Variants in ZFHX3 observed in about 807,000 individuals in gnomAD.
ZFHX3 encodes the protein zinc finger homeobox protein 3.
Under a neutral mutation model 279.1 loss-of-function variants are expected in ZFHX3, and 42 were observed. That is an observed-to-expected ratio of 0.15 (90% CI 0.12 to 0.19). The LOEUF (loss-of-function observed/expected upper bound fraction) is 0.19, where lower values mean the gene tolerates loss of function less well. ZFHX3 is among the 10% of genes least tolerant of loss of function. The probability of loss-of-function intolerance (pLI) is 1.00; values close to 1 mark genes in which losing one functional copy is unlikely to be tolerated. For missense variants in ZFHX3, 4,981 were observed against 4,754.0 expected, an observed-to-expected ratio of 1.05 and a Z score of -1.40; for synonymous variants, 2,293 against 1,957.8, an observed-to-expected ratio of 1.17 and a Z score of -4.52.
At chr16:73,412,902 T>C (rs940732228) in intron 3 of ZFHX3, among the ~76,000 whole-genome samples, 2 of 152,230 alleles carry the variant, frequency 1.3e-5, no homozygotes, top group Admixed American at 6.5e-5. Flanking sequence ...CTCTCTGTGC[T>C]ACGCTGTTGA....
chr16:73,379,003 T>C (rs2016773945), intron 3 of ZFHX3, among the ~76,000 whole-genome samples: 2 of 152,182 alleles, frequency 1.3e-5, no homozygotes. Context: ...GAGGTTCTTT[T>C]ATGCTAGTGT....
chr16:72,841,013 A>G (rs1187997376), intron 4 of ZFHX3, among the ~76,000 whole-genome samples: 2 of 152,220 alleles, frequency 1.3e-5, no homozygotes, highest in Non-Finnish European at 2.9e-5. Flanking sequence ...ACGTATTTAC[A>G]GGTTGCACAT....
intron 2 of ZFHX3, among the ~76,000 whole-genome samples, chr16:73,677,549 G>C (rs957683184): frequency 1.3e-5 from 2 of 151,930 alleles, no homozygotes; most frequent in Non-Finnish European, 1.5e-5. Context: ...CTTTGGCATA[G>C]CTAATCACAA....
Position 72,796,448 on chromosome 16 carries a change from C to A in ZFHX3, c.6234G>T (p.Pro2078=). The A allele has an allele frequency of 6.3e-7, 1 of 1,589,820 alleles. No homozygotes were observed. Residue 2078 remains proline, a synonymous_variant, in exon 9 of 10, where the codon CCG becomes CCT. Transcript: ENST00000268489. ...APPITSPTIA[P]AQPSVPLTQL... is the part of the protein sequence containing the mutation. ...GGGTGAGCGGCACTGATGGCTGGGC[C>A]GGTGCAATTGTAGGTGAGGTGATGG...
intron 4 of ZFHX3, among the ~76,000 whole-genome samples, chr16:72,875,985 A>G (rs149480229): frequency 1.7e-3 from 258 of 152,228 alleles, no homozygotes; most frequent in African/African-American, 6.0e-3. Context: ...AAATGAGCTT[A>G]TTTTTCTGTC....
chr16:73,778,106 C>T (rs942435096), intron 1 of ZFHX3, among the ~76,000 whole-genome samples: 8 of 151,846 alleles, frequency 5.3e-5, no homozygotes, highest in African/African-American at 1.9e-4. Flanking sequence ...AGCTCACTCC[C>T]ATGAAATAGA....
chr16:73,867,954 G>A (rs1250775176), intron 1 of ZFHX3, among the ~76,000 whole-genome samples: 1 of 152,116 alleles, frequency 6.6e-6, no homozygotes, highest in African/African-American at 2.4e-5. Flanking sequence ...CAGCAATGAG[G>A]GCCGGCCAAC....
chr16:73,056,223 A>G (rs1965553525), intron 1 of ZFHX3, among the ~76,000 whole-genome samples: 1 of 152,138 alleles, frequency 6.6e-6, no homozygotes, highest in Non-Finnish European at 1.5e-5. Flanking sequence ...AATCATCTCC[A>G]AATATGGATT....
intron 2 of ZFHX3, among the ~76,000 whole-genome samples, chr16:73,622,680 T>C (rs1463525737): frequency 6.6e-6 from 1 of 152,224 alleles, no homozygotes; most frequent in African/African-American, 2.4e-5. Context: ...GTCCCTCTCT[T>C]CTGAGATTTC....
chr16:72,970,117 A>G (rs1354685640), intron 1 of ZFHX3, among the ~76,000 whole-genome samples: 1 of 152,256 alleles, frequency 6.6e-6, no homozygotes, highest in African/African-American at 2.4e-5. Flanking sequence ...TATTCTGGTT[A>G]CAGTGGAGTC....
intron 3 of ZFHX3, among the ~76,000 whole-genome samples, chr16:73,394,926 T>A (rs2017097024): frequency 6.6e-6 from 1 of 152,166 alleles, no homozygotes; most frequent in South Asian, 2.1e-4. Context: ...GATTGAAAGT[T>A]CACATTAGTA....
rs558374274 is a variant in ZFHX3, at chr16:73,096,439, G to A, written c.-896-2841C>T. On this transcript the variant is annotated intron_variant, in intron 7 of 17. Transcript: ENST00000641206. ...TTTTTTTGAGACAGAGTCTCACTCTGTCACCCAGGGTGGAGTGCAGTGATG... is the reference window on the plus strand; with the variant it reads ...TTTTTTTGAGACAGAGTCTCACTCTATCACCCAGGGTGGAGTGCAGTGATG... Among the ~76,000 whole-genome samples the A allele has an allele frequency of 1.0e-3, 154 of 151,582 alleles. 1 individual carries two copies. The highest frequency in any genetic ancestry group is 3.4e-3 in the African/African-American group (142 of 41,268).
intron 4 of ZFHX3, among the ~76,000 whole-genome samples, chr16:73,305,633 G>T (rs1460465312): frequency 2.6e-5 from 4 of 151,830 alleles, no homozygotes; most frequent in Non-Finnish European, 5.9e-5. Flanking sequence ...CCAATCAGCA[G>T]ACCTGAAGCC....
intron 3 of ZFHX3, among the ~76,000 whole-genome samples, chr16:73,377,889 C>T (rs139483498): frequency 0.01 from 1,578 of 151,238 alleles, 31 homozygotes; most frequent in African/African-American, 0.036. Flanking sequence ...AAAAATGAGC[C>T]GGGCGTGGTG....
rs1308373983 is a variant in ZFHX3 at position 73,682,944 on chromosome 16, A to AAG, written c.-1607-2706_-1607-2705dup. On this transcript the variant is annotated intron_variant, in intron 1 of 17. Coordinates refer to the ZFHX3 transcript ENST00000641206. ...AGAAAGAGAAAGAAAGAAAGAAAGA[A>AAG]AGAAAGAAAGAAAGAAAGAAAGAAA... is the stretch of plus-strand genomic sequence containing the variant. 1.4e-4 allele frequency among the ~76,000 whole-genome samples: 3 copies of AAG among 21,002 alleles called. 1 individual carries two copies. The highest frequency in any genetic ancestry group is 2.1e-4 in the Non-Finnish European group (2 of 9,628). 13.8% of individuals were successfully genotyped at this position (21,002 alleles called of 152,430 possible).
chr16:73,265,033 T>TATATATATATATAA (rs766121124), intron 4 of ZFHX3, among the ~76,000 whole-genome samples: 1 of 150,076 alleles, frequency 6.7e-6, no homozygotes, highest in East Asian at 2.0e-4. Context: ...TATATATATA[T>TATATATATATATAA]AACACCTCAG....
intron 3 of ZFHX3, among the ~76,000 whole-genome samples, chr16:73,407,579 A>T (rs2017386420): frequency 1.3e-5 from 2 of 152,166 alleles, no homozygotes; most frequent in African/African-American, 4.8e-5. Context: ...CAGGGTCAGG[A>T]ACAGACCACT....
chr16:73,051,740 T>C (rs778139602), upstream of ZFHX3, among the ~76,000 whole-genome samples: 2 of 152,182 alleles, frequency 1.3e-5, no homozygotes, highest in African/African-American at 2.4e-5. Context: ...GCCCCAAGTT[T>C]TAAGAAAGCC....
chr16:73,400,558 T>A (rs1285806944), intron 3 of ZFHX3: 1 of 152,144 alleles, frequency 6.6e-6, no homozygotes, highest in Non-Finnish European at 1.5e-5. Flanking sequence ...TCTTCCAATC[T>A]TGCATAATCT....
Sources: gnomAD v4.1 joint callset for allele counts (sites outside exome capture counted in the v4.1 genomes callset) on GRCh38, gnomAD v4.1.1 for gene constraint, MANE v1.5 for transcripts, NCBI Gene and HGNC (gene_info 2026-07-23, HGNC 2026-07-21) for gene names.